NCMAP: variants seen among roughly 807,000 people sequenced by gnomAD.
The protein encoded by NCMAP is non-compact myelin associated protein, also known as noncompact myelin-associated protein.
NCMAP carries 8 observed loss-of-function variants against 7.8 expected under a neutral mutation model. The observed-to-expected ratio is 1.02, with a 90% CI of 0.60 to 1.84. NCMAP has a LOEUF of 1.84. Ranked by LOEUF, NCMAP falls within the 40% of genes most tolerant of loss-of-function variation. The pLI, the probability that NCMAP is intolerant of heterozygous loss-of-function variation, is 0.00. For synonymous variants in NCMAP, 41 were observed against 52.9 expected (o/e 0.78, Z 0.98); for missense variants, 112 against 131.4 (o/e 0.85, Z 0.72).
At chr1:24,573,952 C>CAAAAAAAAAAAAAAAACAAAAA (rs1651466959) in intron 1 of NCMAP, among the ~76,000 whole-genome samples, 1 of 84,454 alleles carries the variant, frequency 1.2e-5, no homozygotes, top group Non-Finnish European at 2.2e-5. Flanking sequence ...CCAGAGAGGA[C>CAAAAAAAAAAAAAAAACAAAAA]AAAAAAAAAA....
At chr1:24,559,344 T>C (rs922343077) in intron 1 of NCMAP, among the ~76,000 whole-genome samples, 1 of 152,196 alleles carries the variant, frequency 6.6e-6, no homozygotes, top group Admixed American at 6.5e-5. Flanking sequence ...TCTTGCTGTT[T>C]ACACTGAAAA....
chr1:24,594,531 T>C (rs921409331), intron 1 of NCMAP, among the ~76,000 whole-genome samples: 1 of 152,156 alleles, frequency 6.6e-6, no homozygotes, highest in Non-Finnish European at 1.5e-5. Context: ...TGAAGTCTCC[T>C]GAGACAGAGC....
intron 2 of NCMAP, among the ~76,000 whole-genome samples, chr1:24,596,143 A>T (rs932416257): frequency 6.6e-6 from 1 of 152,114 alleles, no homozygotes; most frequent in Non-Finnish European, 1.5e-5. Context: ...TTAGCTGGGC[A>T]TGGTGGTGTG....
At position 24,608,227 on chromosome 1, in the gene NCMAP, C is replaced by G. The variant is rs928566947; in HGVS notation, c.*2480C>G. On this transcript the variant is annotated 3_prime_UTR_variant, in exon 4 of 4. Transcript: ENST00000374392. ...TAAGTCACAAAGACAAGACTCAAAA[C>G]CAGGTCTCTTGACTCCAAAGTCTGT... The G allele has an allele frequency of 1.3e-5, 2 of 152,224 alleles. No individual in the cohort carries two copies. Among genetic ancestry groups the G allele is most frequent in the Non-Finnish European group, 2.9e-5 (2 of 68,040 alleles). The allele number at this position is 152,224 out of a possible 1,614,324, so 9.4% of individuals were successfully genotyped here.
chr1:24,558,040 T>G (rs1299822546), intron 1 of NCMAP, among the ~76,000 whole-genome samples: 1 of 152,206 alleles, frequency 6.6e-6, no homozygotes, highest in Non-Finnish European at 1.5e-5. Flanking sequence ...AAAGCTAGTT[T>G]CAGTTTTGTG....
chr1:24,600,080 C>T (rs1652424393), intron 2 of NCMAP, among the ~76,000 whole-genome samples: 1 of 152,008 alleles, frequency 6.6e-6, no homozygotes, highest in Admixed American at 6.6e-5. Flanking sequence ...AAGTGATCCT[C>T]ACCCCCCAGC....
intron 1 of NCMAP, among the ~76,000 whole-genome samples, chr1:24,586,531 G>C (rs969726589): frequency 2.0e-5 from 3 of 152,190 alleles, no homozygotes; most frequent in Non-Finnish European, 4.4e-5. Context: ...GGGAGGCCGA[G>C]GAGGGCGGAT....
At position 24,562,922 on chromosome 1, in the gene NCMAP, C is replaced by CCT. The variant is rs148673789; in HGVS notation, c.-8+6755_-8+6756dup. ...CCTGCCCTGGGGCTCATCCCTTCCC[C>CCT]CTCCTTATGCCCTTTCTCCAGGGCA... On this transcript the variant is annotated intron_variant, in intron 1 of 3. Coordinates refer to ENST00000374392, the MANE Select transcript of NCMAP (RefSeq NM_001010980.5). Among the ~76,000 whole-genome samples the CCT allele has an allele frequency of 2.0e-3, 301 of 152,352 alleles. 9 individuals are homozygous for CCT. The East Asian group carries it at 0.053, about 27-fold the overall frequency.
In NCMAP at chr1:24,605,600, C is replaced by T. The variant is rs1434095585; in HGVS notation, c.168-6C>T. On this transcript the variant is annotated splice_region_variant and splice_polypyrimidine_tract_variant and intron_variant, in intron 3 of 3. Coordinates refer to ENST00000374392, the MANE Select transcript of NCMAP (RefSeq NM_001010980.5). ...ACTCAACCATGTGCACATTATCTCCCTACAGGAAAATGAGGACGAGGCGGG... is the reference window on the plus strand; with the variant it reads ...ACTCAACCATGTGCACATTATCTCCTTACAGGAAAATGAGGACGAGGCGGG... The T allele has an allele frequency of 6.2e-7, 1 of 1,614,140 alleles. No individual in the cohort carries two copies. The highest frequency in any genetic ancestry group is 1.1e-5 in the South Asian group (1 of 91,070).
intron 1 of NCMAP, among the ~76,000 whole-genome samples, chr1:24,592,862 T>C (rs1464866637): frequency 6.6e-6 from 1 of 151,944 alleles, no homozygotes; most frequent in Non-Finnish European, 1.5e-5. Context: ...GAGCTTGCAG[T>C]GAGCCGTGAT....
At chr1:24,564,941 A>G (rs1314969845) in intron 1 of NCMAP, among the ~76,000 whole-genome samples, 1 of 152,210 alleles carries the variant, frequency 6.6e-6, no homozygotes, top group Admixed American at 6.5e-5. Context: ...TCATTCAAAC[A>G]TGAGGTCATA....
intron 2 of NCMAP, among the ~76,000 whole-genome samples, chr1:24,597,989 A>C (rs56205880): frequency 6.6e-6 from 1 of 152,034 alleles, no homozygotes; most frequent in Non-Finnish European, 1.5e-5. Flanking sequence ...GGGAACTTGG[A>C]GGCATTGCAA....
At chr1:24,563,912 C>G (rs547501027) in intron 1 of NCMAP, 1 of 152,062 alleles carries the variant, frequency 6.6e-6, no homozygotes, top group African/African-American at 2.4e-5. Flanking sequence ...TAAATCTCAC[C>G]AAGTAGGAAC....
chr1:24,568,871 C>A (rs773115899), intron 1 of NCMAP, among the ~76,000 whole-genome samples: 117 of 152,294 alleles, frequency 7.7e-4, no homozygotes, highest in Non-Finnish European at 2.4e-4. Flanking sequence ...GATCCTCCCA[C>A]CTCAGCCTTC....
intron 1 of NCMAP, among the ~76,000 whole-genome samples, chr1:24,557,252 T>C (rs1044922282): frequency 6.6e-6 from 1 of 152,076 alleles, no homozygotes; most frequent in Non-Finnish European, 1.5e-5. Flanking sequence ...TTGGCACAAA[T>C]AGTGAATTTA....
In NCMAP at chr1:24,558,417, G is replaced by A. The variant is rs1314821299; in HGVS notation, c.-8+2248G>A. On this transcript the variant is annotated intron_variant, in intron 1 of 3. Coordinates refer to ENST00000374392, the MANE Select transcript of NCMAP (RefSeq NM_001010980.5). The stretch of plus-strand genomic sequence containing the variant: ...TTTTGGCTTTGAGAGAGGAGATTCC[G>A]ACAACACTGACCATGAGCTTCTTGT... 7.9e-5 allele frequency among the ~76,000 whole-genome samples: 12 copies of A among 152,262 alleles called. No homozygotes were observed. The South Asian group carries it at 1.0e-3, about 13-fold the overall frequency.
At chr1:24,562,499 C>T (rs1203478956) in intron 1 of NCMAP, among the ~76,000 whole-genome samples, 1 of 152,240 alleles carries the variant, frequency 6.6e-6, no homozygotes, top group Non-Finnish European at 1.5e-5. Context: ...CACTGTCTCC[C>T]TATCACCCAA....
Position 24,570,243 on chromosome 1 carries a change from G to A in NCMAP, c.-8+14074G>A, listed in dbSNP as rs1027592263. Among the ~76,000 whole-genome samples the A allele has an allele frequency of 3.3e-5, 5 of 150,466 alleles. 1 individual carries two copies. Among genetic ancestry groups the A allele is most frequent in the African/African-American group, 1.3e-4 (5 of 39,878 alleles). ...TTACAGGCGTGAGTCACCATGCCCA[G>A]GCTAGAAATTTTAACAAACAATATG... On this transcript the variant is annotated intron_variant, in intron 1 of 3. Transcript: ENST00000374392.
chr1:24,569,956 A>T (rs186836745), intron 1 of NCMAP, among the ~76,000 whole-genome samples: 27 of 149,384 alleles, frequency 1.8e-4, no homozygotes, highest in African/African-American at 5.1e-4. Flanking sequence ...CTTAAAAAAA[A>T]TTTTTTTTTG....
Sources: gnomAD v4.1 joint callset for allele counts (sites outside exome capture counted in the v4.1 genomes callset) on GRCh38, gnomAD v4.1.1 for gene constraint, MANE v1.5 for transcripts, NCBI Gene and HGNC (gene_info 2026-07-23, HGNC 2026-07-21) for gene names.